The following CNTN4 variants were observed in gnomAD, a reference collection of about 807,000 sequenced individuals.
CNTN4 encodes contactin 4.
Under a neutral mutation model 122.5 loss-of-function variants are expected in CNTN4, and 77 were observed. That is an observed-to-expected ratio of 0.63 (90% CI 0.52 to 0.76). The LOEUF (loss-of-function observed/expected upper bound fraction) is 0.76, where lower values mean the gene tolerates loss of function less well. CNTN4 is among the 30% of genes least tolerant of loss of function. The pLI, the probability that CNTN4 is intolerant of heterozygous loss-of-function variation, is 0.00. For missense variants in CNTN4, 1,256 were observed against 1,259.1 expected, an observed-to-expected ratio of 1.00 and a Z score of 0.04; for synonymous variants, 512 against 447.0, an observed-to-expected ratio of 1.15 and a Z score of -1.83.
chr3:2,533,789 A>G (rs1315200828), intron 3 of CNTN4, among the ~76,000 whole-genome samples: 30 of 152,086 alleles, frequency 2.0e-4, no homozygotes, highest in Non-Finnish European at 1.5e-5. Context: ...CTGACTCTTT[A>G]ATGATTGCCA....
At chr3:2,754,676 T>G (rs888536238) in intron 6 of CNTN4, among the ~76,000 whole-genome samples, 41 of 151,976 alleles carry the variant, frequency 2.7e-4, no homozygotes, top group Admixed American at 2.3e-3. Flanking sequence ...CACTTCATTT[T>G]GGCCTTCCTG....
intron 13 of CNTN4, among the ~76,000 whole-genome samples, chr3:2,934,297 C>CTGAA (rs1164997159): frequency 6.6e-6 from 1 of 152,224 alleles, no homozygotes; most frequent in African/African-American, 2.4e-5. Flanking sequence ...AAATATCCAA[C>CTGAA]TGAAATAAGA....
intron 3 of CNTN4, among the ~76,000 whole-genome samples, chr3:2,473,329 A>G (rs563525261): frequency 6.6e-6 from 1 of 151,914 alleles, no homozygotes; most frequent in South Asian, 2.1e-4. Context: ...GGCTTCCTCA[A>G]TTCCACCTGG....
intron 6 of CNTN4, among the ~76,000 whole-genome samples, chr3:2,788,979 T>G (rs2091923979): frequency 6.6e-6 from 1 of 152,240 alleles, no homozygotes; most frequent in Non-Finnish European, 1.5e-5. Context: ...GTCTTTTTTT[T>G]TCTCCTGATG....
At chr3:2,727,399 A>G (rs1246380015) in intron 4 of CNTN4, among the ~76,000 whole-genome samples, 1 of 152,208 alleles carries the variant, frequency 6.6e-6, no homozygotes, top group African/African-American at 2.4e-5. Context: ...ATGAGTTACA[A>G]AGTATTTGCA....
chr3:2,820,548 C>T (rs772631480), intron 7 of CNTN4, among the ~76,000 whole-genome samples: 12 of 152,126 alleles, frequency 7.9e-5, no homozygotes, highest in Non-Finnish European at 1.6e-4. Flanking sequence ...CAGCCCTTCT[C>T]CCATCCCCAA....
At chr3:2,718,259 G>T (rs557246784) in intron 4 of CNTN4, among the ~76,000 whole-genome samples, 5 of 150,784 alleles carry the variant, frequency 3.3e-5, no homozygotes, top group African/African-American at 1.2e-4. Flanking sequence ...ACCCTTTAAC[G>T]TTTGCTATGT....
chr3:2,281,626 C>G (rs1006663102), intron 2 of CNTN4, among the ~76,000 whole-genome samples: 3 of 152,056 alleles, frequency 2.0e-5, no homozygotes, highest in Non-Finnish European at 1.5e-5. Flanking sequence ...TTTTACTTTT[C>G]CCAATTCTTG....
intron 3 of CNTN4, among the ~76,000 whole-genome samples, chr3:2,566,594 C>T (rs149392621): frequency 6.6e-6 from 1 of 152,098 alleles, no homozygotes; most frequent in Non-Finnish European, 1.5e-5. Flanking sequence ...AGTTAAAAAT[C>T]TATTTGGTGG....
intron 2 of CNTN4, among the ~76,000 whole-genome samples, chr3:2,301,311 A>G (rs547748794): frequency 9.9e-4 from 151 of 152,358 alleles, no homozygotes; most frequent in African/African-American, 3.3e-3. Context: ...TTCATGAATA[A>G]TCTATCTTAA....
chr3:2,605,820 G>T (rs2081233390), intron 4 of CNTN4, among the ~76,000 whole-genome samples: 1 of 152,092 alleles, frequency 6.6e-6, no homozygotes, highest in African/African-American at 2.4e-5. Flanking sequence ...ACAGCAGTTG[G>T]GTTTTCATGA....
chr3:2,966,483 G>A (rs1692321808), intron 13 of CNTN4, among the ~76,000 whole-genome samples: 1 of 152,122 alleles, frequency 6.6e-6, no homozygotes, highest in African/African-American at 2.4e-5. Flanking sequence ...CCAGAAGGAG[G>A]GAGGGGTGGA....
intron 2 of CNTN4, among the ~76,000 whole-genome samples, chr3:2,274,342 C>G (rs1473643241): frequency 6.6e-6 from 1 of 151,960 alleles, no homozygotes; most frequent in Non-Finnish European, 1.5e-5. Context: ...AAGATTGCAC[C>G]ACTGCACTCC....
chr3:2,961,217 G>A (rs57543147), intron 13 of CNTN4, among the ~76,000 whole-genome samples: 5 of 113,002 alleles, frequency 4.4e-5, no homozygotes, highest in African/African-American at 1.7e-4. Context: ...GCGACAGAAC[G>A]AGACTCCATC....
chr3:2,521,123 T>A (rs1362139995), intron 3 of CNTN4, among the ~76,000 whole-genome samples: 1 of 152,114 alleles, frequency 6.6e-6, no homozygotes, highest in Non-Finnish European at 1.5e-5. Flanking sequence ...AACATACTTC[T>A]GTGGTATTTA....
At chr3:2,751,608 A>G (rs1402646990) in intron 6 of CNTN4, among the ~76,000 whole-genome samples, 1 of 152,160 alleles carries the variant, frequency 6.6e-6, no homozygotes, top group Non-Finnish European at 1.5e-5. Flanking sequence ...TTATTTGCAC[A>G]GCTTAACGAA....
At chr3:2,146,608 C>G (rs1278362270) in intron 2 of CNTN4, among the ~76,000 whole-genome samples, 1 of 152,066 alleles carries the variant, frequency 6.6e-6, no homozygotes, top group East Asian at 1.9e-4. Context: ...TCATGACTCA[C>G]AGTATTGATT....
chr3:2,110,854 A>G (rs2032895524), intron 2 of CNTN4, among the ~76,000 whole-genome samples: 1 of 152,118 alleles, frequency 6.6e-6, no homozygotes, highest in Admixed American at 6.6e-5. Flanking sequence ...ACTATACCAT[A>G]GTGGAAATAG....
chr3:3,034,666 C>G lies in CNTN4; in HGVS notation c.1818C>G (p.Asp606Glu). Reference protein sequence around the residue: ...PPGPPEAVTIDEITDTTAQLS... With the variant: ...PPGPPEAVTIEEITDTTAQLS... ...GTCCCCCAGAGGCTGTGACAATAGACGAAATCACAGATACCACTGCTCAGC... is the reference window on the plus strand; with the variant it reads ...GTCCCCCAGAGGCTGTGACAATAGAGGAAATCACAGATACCACTGCTCAGC... The change falls in exon 17 of 25, where the codon GAC becomes GAG. Residue 606 changes from aspartate to glutamate, a missense_variant. By Grantham distance (45) the Asp-to-Glu change is conservative. Coordinates refer to ENST00000418658, the MANE Select transcript of CNTN4 (RefSeq NM_175607.3). 5 of 1,614,120 alleles carry G rather than the reference C, an allele frequency of 3.1e-6. No homozygotes were observed. Among genetic ancestry groups the G allele is most frequent in the Non-Finnish European group, 4.2e-6 (5 of 1,180,016 alleles).
Sources: allele counts gnomAD v4.1 joint callset (sites outside exome capture counted in the v4.1 genomes callset), GRCh38; gene constraint gnomAD v4.1.1; transcripts MANE v1.5; gene names NCBI Gene and HGNC (gene_info 2026-07-23, HGNC 2026-07-21).